Variants in KCNU1 observed in about 807,000 individuals in gnomAD.
The protein encoded by KCNU1 is potassium calcium-activated channel subfamily U member 1.
Under a neutral mutation model 126.8 loss-of-function variants are expected in KCNU1, and 93 were observed. That is an observed-to-expected ratio of 0.73 (90% confidence interval 0.62 to 0.87). KCNU1 has a LOEUF of 0.87. Ranked by LOEUF, KCNU1 falls within the 40% of genes least tolerant of loss-of-function variation. KCNU1 has a pLI of 0.00. For synonymous variants in KCNU1, 523 were observed against 494.2 expected (o/e 1.06, Z -0.77); for missense variants, 1,330 against 1,367.1 (o/e 0.97, Z 0.43).
rs780808405 is a variant in KCNU1, at chr8:36,905,791, A to G, written c.2093A>G (p.Asp698Gly). 2 of 1,549,754 alleles carry G rather than the reference A, an allele frequency of 1.3e-6. No homozygotes were observed. The highest frequency in any genetic ancestry group is 2.3e-5 in the East Asian group (1 of 43,558). ...CACTGGTGCAAACCAACCTCTTTGG[A>G]CAAGGTGACTCTGGTAGGTGATCTT... is the stretch of plus-strand genomic sequence containing the variant. ...MFHWCKPTSL[D>G]KVTLKRTGKS... Residue 698 changes from aspartate (D) to glycine (G), a missense_variant, in exon 20 of 27, where the codon GAC becomes GGC. Coordinates refer to ENST00000399881, the MANE Select transcript of KCNU1 (RefSeq NM_001031836.3).
chr8:36,845,092 G>A (rs75689972), intron 16 of KCNU1, among the ~76,000 whole-genome samples: 8,047 of 152,178 alleles, frequency 0.053, 743 homozygotes, highest in African/African-American at 0.18. Context: ...CAAAAGAAAC[G>A]CACAACCTCA....
At position 36,840,546 on chromosome 8, in the gene KCNU1, T is replaced by G. The variant is rs756688622; in HGVS notation, c.1602T>G (p.Phe534Leu). 11 of 1,611,750 alleles carry G rather than the reference T, an allele frequency of 6.8e-6. No homozygotes were observed. The highest frequency in any genetic ancestry group is 1.7e-4 in the Middle Eastern group (1 of 6,056). Residue 534 changes from phenylalanine (F) to leucine (L), a missense_variant, in exon 15 of 27, where the codon TTT (phenylalanine) becomes TTG (leucine). This residue lies in a region of KCNU1 where 1,054 missense variants were observed against 1,053.9 expected (regional missense o/e 1.00). Transcript: ENST00000399881. ...TGACCCAACGTCTCTCTGATGACTT[T>G]GCTGGAATGAGCTTTCCTGAAGTTG... ...KILTQRLSDD[F>L]AGMSFPEVAR...
intron 2 of KCNU1, among the ~76,000 whole-genome samples, chr8:36,788,641 T>TAAAAGCTGCAGGGAATGTTG (rs1360428067): frequency 6.6e-6 from 1 of 152,246 alleles, no homozygotes; most frequent in East Asian, 1.9e-4. Flanking sequence ...ACTGCTTTCA[T>TAAAAGCTGCAGGGAATGTTG]AAAAGCTGCA....
Position 36,922,598 on chromosome 8 carries a change from C to T in KCNU1, c.2705C>T (p.Ser902Phe), listed in dbSNP as rs1424665319. The T allele has an allele frequency of 5.0e-6, 8 of 1,613,396 alleles. No individual in the cohort carries two copies. Among genetic ancestry groups the T allele is most frequent in the Non-Finnish European group, 6.8e-6 (8 of 1,179,712 alleles). ...GCCTTTTCTACGGGCACTGTTTTTT[C>T]CGGCAGCTTCTTGGATTCTCTGCTG... ...STAFSTGTVFSGSFLDSLLAT... is the reference protein window; with the variant it reads ...STAFSTGTVFFGSFLDSLLAT... The change falls in exon 24 of 27, where the codon TCC (serine) becomes TTC (phenylalanine). Residue 902 changes from serine (S) to phenylalanine (F), a missense_variant. Around this residue, in one of 3 missense-constraint regions of KCNU1, gnomAD observed 1,054 missense variants for 1,053.9 expected, o/e 1.00. Coordinates refer to ENST00000399881, the MANE Select transcript of KCNU1 (RefSeq NM_001031836.3).
chr8:36,817,900 AT>A, intron 10 of KCNU1, 140 bp downstream of exon 10: 1 of 546,968 alleles, frequency 1.8e-6, no homozygotes, highest in Non-Finnish European at 3.3e-6. Flanking sequence ...AAGAAAAGAA[AT>A]CTTTGACCAA....
rs78179925 is a variant in KCNU1, at chr8:36,828,558, A to G, written c.1107-4996A>G. ...GGCTTTATTCAGTTTATATTATGTT[A>G]GTAAGATGCTTTCATATTTTTGAAT... On this transcript the variant is annotated intron_variant, in intron 10 of 26. Coordinates refer to ENST00000399881, the MANE Select transcript of KCNU1 (RefSeq NM_001031836.3). Among the ~76,000 whole-genome samples, 661 of 152,258 alleles carry G rather than the reference A, an allele frequency of 4.3e-3. 7 individuals are homozygous for G. The highest frequency in any genetic ancestry group is 0.015 in the African/African-American group (616 of 41,576).
Position 36,787,239 on chromosome 8 carries a change from G to C in KCNU1, c.196-67G>C, listed in dbSNP as rs1449525122. On this transcript the variant is annotated intron_variant, in intron 1 of 26. Transcript: ENST00000399881. ...TACCATCACAAGAGGCTCCATCAACGTAAGTAGAACAGATTTCTTTCTCTC... is the reference window on the plus strand; with the variant it reads ...TACCATCACAAGAGGCTCCATCAACCTAAGTAGAACAGATTTCTTTCTCTC... 4.2e-6 allele frequency: 6 copies of C among 1,421,538 alleles called. No homozygotes were observed. The South Asian group carries it at 8.7e-5, about 21-fold the overall frequency. The allele number at this position is 1,421,538 out of a possible 1,614,324, so 88.1% of individuals were successfully genotyped here.
chr8:36,928,108 A>T (rs1808588822), intron 24 of KCNU1, among the ~76,000 whole-genome samples: 1 of 152,088 alleles, frequency 6.6e-6, no homozygotes, highest in Non-Finnish European at 1.5e-5. Flanking sequence ...CCAAATAGTA[A>T]GAATAGGAGA....
chr8:36,815,504 A>G (rs1803875100), intron 8 of KCNU1, 92 bp from the exon 9 acceptor site: 3 of 604,352 alleles, frequency 5.0e-6, no homozygotes, highest in Admixed American at 3.5e-5. Flanking sequence ...AGAAAGTTTT[A>G]TGTACCCTCC....
At chr8:36,875,385 T>C (rs537926819) in intron 19 of KCNU1, among the ~76,000 whole-genome samples, 3 of 148,896 alleles carry the variant, frequency 2.0e-5, no homozygotes, top group African/African-American at 7.3e-5. Flanking sequence ...ATAATATATA[T>C]TACAGATATA....
At chr8:36,808,575 C>G in intron 6 of KCNU1, 143 bp from the exon 7 acceptor site, 2 of 625,286 alleles carry the variant, frequency 3.2e-6, no homozygotes, top group Admixed American at 2.6e-5. Flanking sequence ...GACTGGGATG[C>G]TGCATTTCGA....
chr8:36,880,585 G>A (rs1174353772), intron 19 of KCNU1, among the ~76,000 whole-genome samples: 2 of 152,194 alleles, frequency 1.3e-5, no homozygotes, highest in African/African-American at 4.8e-5. Flanking sequence ...AAGAGGTGGG[G>A]AAGTTGCTGT....
intron 18 of KCNU1, among the ~76,000 whole-genome samples, chr8:36,855,301 G>T (rs1399982898): frequency 6.6e-6 from 1 of 151,970 alleles, no homozygotes; most frequent in Non-Finnish European, 1.5e-5. Context: ...CCTGCTATCT[G>T]TTGCCTCAGG....
intron 24 of KCNU1, among the ~76,000 whole-genome samples, chr8:36,925,008 C>T (rs865813148): frequency 2.0e-5 from 3 of 152,216 alleles, no homozygotes; most frequent in Middle Eastern, 6.8e-3. Context: ...GTATGAGGAA[C>T]ACAGATTTGG....
In KCNU1 at chr8:36,817,661, T is replaced by C. The variant is rs368351008; in HGVS notation, c.1007T>C (p.Val336Ala). The change falls in exon 10 of 27, where the codon GTC (valine) becomes GCC (alanine). Residue 336 changes from valine (V) to alanine (A), a missense_variant. Physicochemically the swap from Val to Ala is moderately conservative, Grantham distance 64. Around this residue, in one of 3 missense-constraint regions of KCNU1, gnomAD observed 1,054 missense variants for 1,053.9 expected, o/e 1.00. Coordinates refer to ENST00000399881, the MANE Select transcript of KCNU1 (RefSeq NM_001031836.3). Reference protein sequence around the residue: ...EALKGKKFIVVCGNITVDSVT... With the variant: ...EALKGKKFIVACGNITVDSVT... ...TTTTTGCTGCCTAGGTTTATTGTGGTCTGTGGAAACATCACTGTGGACAGT... is the reference window on the plus strand; with the variant it reads ...TTTTTGCTGCCTAGGTTTATTGTGGCCTGTGGAAACATCACTGTGGACAGT... 51 of 1,606,172 alleles carry C rather than the reference T, an allele frequency of 3.2e-5. No individual in the cohort carries two copies. In the South Asian group the frequency reaches 4.4e-4, roughly 14 times the overall value.
chr8:36,923,705 T>TAAG (rs1808442875), intron 24 of KCNU1, among the ~76,000 whole-genome samples: 1 of 152,198 alleles, frequency 6.6e-6, no homozygotes, highest in African/African-American at 2.4e-5. Flanking sequence ...ATTTGGGTCA[T>TAAG]CCTTACTGCT....
chr8:36,812,359 G>A (rs1410570998), intron 7 of KCNU1, among the ~76,000 whole-genome samples: 6 of 137,880 alleles, frequency 4.4e-5, no homozygotes, highest in African/African-American at 1.7e-4. Context: ...CAGCCTGAGT[G>A]ACAGAGCAAG....
intron 2 of KCNU1, among the ~76,000 whole-genome samples, chr8:36,803,253 T>C (rs995000744): frequency 7.9e-5 from 12 of 152,262 alleles, no homozygotes; most frequent in Admixed American, 7.9e-4. Flanking sequence ...AGAGAAGATT[T>C]AATCCTAAAT....
chr8:36,853,370 G>C (rs774631802), intron 18 of KCNU1, among the ~76,000 whole-genome samples: 1 of 152,056 alleles, frequency 6.6e-6, no homozygotes. Flanking sequence ...AAATAAATAA[G>C]TAGGCATTTA....
Sources: allele counts gnomAD v4.1 joint callset (sites outside exome capture counted in the v4.1 genomes callset), GRCh38; gene constraint gnomAD v4.1.1; regional missense constraint gnomAD v4.1.1; transcripts MANE v1.5; gene names NCBI Gene and HGNC (gene_info 2026-07-23, HGNC 2026-07-21).